Variants in NKAIN2 observed in about 807,000 individuals in gnomAD.
The protein encoded by NKAIN2 is sodium/potassium-transporting ATPase subunit beta-1-interacting protein 2.
In NKAIN2, 14 loss-of-function variants were observed where a neutral mutation model predicts 32.6. That is an observed-to-expected ratio of 0.43 (90% CI 0.28 to 0.67). The LOEUF (loss-of-function observed/expected upper bound fraction) is 0.67, where lower values mean the gene tolerates loss of function less well. NKAIN2 is among the 30% of genes least tolerant of loss of function. The pLI, the probability that NKAIN2 is intolerant of heterozygous loss-of-function variation, is 0.17. For synonymous variants in NKAIN2, 80 were observed against 87.2 expected (o/e 0.92, Z 0.46); for missense variants, 198 against 258.3 (o/e 0.77, Z 1.60).
At chr6:124,783,552 C>T (rs983835416) in intron 4 of NKAIN2, among the ~76,000 whole-genome samples, 1 of 152,090 alleles carries the variant, frequency 6.6e-6, no homozygotes, top group Non-Finnish European at 1.5e-5. Flanking sequence ...TGTGTTATTG[C>T]AGGTTGATAA....
intron 4 of NKAIN2, among the ~76,000 whole-genome samples, chr6:124,673,288 T>C (rs1314015093): frequency 1.3e-5 from 2 of 152,104 alleles, no homozygotes; most frequent in African/African-American, 4.8e-5. Context: ...TCCATTCACC[T>C]GTCAGCAGAT....
intron 3 of NKAIN2, among the ~76,000 whole-genome samples, chr6:124,516,118 C>A (rs978392970): frequency 6.6e-6 from 1 of 152,014 alleles, no homozygotes; most frequent in African/African-American, 2.4e-5. Flanking sequence ...GAGCTTAATT[C>A]TAGTGGAGCA....
At chr6:123,889,870 A>G (rs530154049) in intron 1 of NKAIN2, among the ~76,000 whole-genome samples, 2 of 152,240 alleles carry the variant, frequency 1.3e-5, no homozygotes, top group African/African-American at 4.8e-5. Context: ...AGAACATTTA[A>G]TCAGTGGTCG....
At chr6:123,890,494 G>A (rs548790592) in intron 1 of NKAIN2, among the ~76,000 whole-genome samples, 6 of 151,998 alleles carry the variant, frequency 3.9e-5, no homozygotes, top group Non-Finnish European at 8.8e-5. Context: ...AGCTGGTAAT[G>A]CAATTGATAA....
intron 1 of NKAIN2, among the ~76,000 whole-genome samples, chr6:124,074,860 G>A (rs188512979): frequency 3.3e-5 from 5 of 151,944 alleles, no homozygotes; most frequent in Admixed American, 2.0e-4. Flanking sequence ...ATAGTGCATG[G>A]TAATTACTTT....
rs554699705 is a variant in NKAIN2 at position 123,916,895 on chromosome 6, A to G, written c.54+112641A>G. Among the ~76,000 whole-genome samples the G allele has an allele frequency of 5.1e-4, 78 of 152,088 alleles. No homozygotes were observed. In the Middle Eastern group the frequency reaches 0.024, roughly 46 times the overall value. ...TACCTACCTACCTACCTCTCTCTGTATCAAGAGAACTTTACATTTCTAAAA... is the reference window on the plus strand; with the variant it reads ...TACCTACCTACCTACCTCTCTCTGTGTCAAGAGAACTTTACATTTCTAAAA... On this transcript the variant is annotated intron_variant, in intron 1 of 6. Coordinates refer to ENST00000368417, the MANE Select transcript of NKAIN2 (RefSeq NM_001040214.3).
intron 1 of NKAIN2, among the ~76,000 whole-genome samples, chr6:123,920,014 A>G (rs774475334): frequency 6.6e-6 from 1 of 152,140 alleles, no homozygotes; most frequent in Non-Finnish European, 1.5e-5. Flanking sequence ...CAGATATGCA[A>G]AAGAGTAGAA....
chr6:123,934,856 A>C (rs1776426301), intron 1 of NKAIN2, among the ~76,000 whole-genome samples: 1 of 151,832 alleles, frequency 6.6e-6, no homozygotes, highest in Non-Finnish European at 1.5e-5. Flanking sequence ...TGCTGTTACA[A>C]GTCTCTAGAA....
At chr6:124,688,007 C>CA (rs1167312425) in intron 4 of NKAIN2, among the ~76,000 whole-genome samples, 1 of 151,856 alleles carries the variant, frequency 6.6e-6, no homozygotes, top group African/African-American at 2.4e-5. Flanking sequence ...TTTTGAAAAA[C>CA]AATTTACTAA....
rs139499623 is a variant in NKAIN2 at position 124,635,463 on chromosome 6, C to T, written c.274-22723C>T. ...AATTAATAAATGATGGGAGTAACTC[C>T]TCACCTATTAATAACAACCTTGACT... On this transcript the variant is annotated intron_variant, in intron 3 of 6. Transcript: ENST00000368417. Among the ~76,000 whole-genome samples, 1,198 of 152,022 alleles carry T rather than the reference C, an allele frequency of 7.9e-3. 7 individuals carry two copies. The highest frequency in any genetic ancestry group is 0.014 in the Middle Eastern group (4 of 294).
At chr6:123,860,773 C>T (rs1053748753) in intron 1 of NKAIN2, among the ~76,000 whole-genome samples, 1 of 152,130 alleles carries the variant, frequency 6.6e-6, no homozygotes, top group African/African-American at 2.4e-5. Context: ...AATTATTTCC[C>T]TCTCTTCTGA....
At chr6:124,702,830 A>G (rs1425481240) in intron 4 of NKAIN2, among the ~76,000 whole-genome samples, 3 of 152,142 alleles carry the variant, frequency 2.0e-5, no homozygotes, top group Non-Finnish European at 4.4e-5. Context: ...CAAACATAGC[A>G]TTGAAACTAC....
At chr6:124,590,906 G>A (rs939896201) in intron 3 of NKAIN2, among the ~76,000 whole-genome samples, 6 of 152,300 alleles carry the variant, frequency 3.9e-5, no homozygotes, top group Middle Eastern at 3.4e-3. Flanking sequence ...GTGGATCAAC[G>A]GGAAATAAGT....
At chr6:124,599,003 T>C (rs539070593) in intron 3 of NKAIN2, among the ~76,000 whole-genome samples, 12 of 148,120 alleles carry the variant, frequency 8.1e-5, no homozygotes, top group African/African-American at 2.8e-4. Context: ...GTAAAGGTAA[T>C]GAGGTACACA....
In NKAIN2 at chr6:124,391,576, CAA is replaced by C. The variant is rs369199380; in HGVS notation, c.273+36232_273+36233del. The stretch of plus-strand genomic sequence containing the variant: ...TTCTGCTTCCTTGCCTCTTAAAATC[CAA>C]AAGAGTCAGAACACACAAAGAGAGC... On this transcript the variant is annotated intron_variant, in intron 3 of 6. Transcript: ENST00000368417. Among the ~76,000 whole-genome samples the C allele has an allele frequency of 2.0e-3, 306 of 152,144 alleles. 1 individual carries two copies. The highest frequency in any genetic ancestry group is 0.01 in the Middle Eastern group (3 of 294).
chr6:124,252,008 A>G (rs113711195), intron 1 of NKAIN2, among the ~76,000 whole-genome samples: 1,801 of 152,156 alleles, frequency 0.012, 13 homozygotes, highest in Non-Finnish European at 0.017. Context: ...ATGTATTGAA[A>G]CATCACTATG....
chr6:123,844,535 A>G (rs886076342), intron 1 of NKAIN2, among the ~76,000 whole-genome samples: 7 of 152,148 alleles, frequency 4.6e-5, no homozygotes, highest in African/African-American at 1.7e-4. Flanking sequence ...GCTAACCTAT[A>G]CACATGTTTT....
chr6:124,491,309 C>A (rs1049282472), intron 3 of NKAIN2, among the ~76,000 whole-genome samples: 5 of 151,872 alleles, frequency 3.3e-5, no homozygotes, highest in African/African-American at 9.7e-5. Flanking sequence ...CTCTACTGTG[C>A]TCTCTTTAAT....
At chr6:124,594,530 G>T (rs1194959042) in intron 3 of NKAIN2, among the ~76,000 whole-genome samples, 2 of 152,200 alleles carry the variant, frequency 1.3e-5, no homozygotes, top group Non-Finnish European at 2.9e-5. Context: ...GTTGGTTAAT[G>T]TGTCTAGGGA....
Sources: gnomAD v4.1 joint callset for allele counts (sites outside exome capture counted in the v4.1 genomes callset) on GRCh38, gnomAD v4.1.1 for gene constraint, MANE v1.5 for transcripts, NCBI Gene and HGNC (gene_info 2026-07-23, HGNC 2026-07-21) for gene names.